The following FGFR2 variants were observed in gnomAD, a reference collection of about 807,000 sequenced individuals.
The protein encoded by FGFR2 is BEK fibroblast growth factor receptor.
A neutral mutation model predicts 95.9 loss-of-function variants in FGFR2; 19 were observed. The observed-to-expected ratio is 0.20, with a 90% CI of 0.14 to 0.29. The LOEUF is 0.29. Ranked by LOEUF, FGFR2 falls within the 10% of genes least tolerant of loss-of-function variation. The pLI is 1.00. For synonymous variants in FGFR2, 392 were observed against 393.3 expected, an observed-to-expected ratio of 1.00 and a Z score of 0.04; for missense variants, 707 against 1,056.9, an observed-to-expected ratio of 0.67 and a Z score of 4.59.
At chr10:121,482,767 G>A (rs1021034703) in intron 17 of FGFR2, among the ~76,000 whole-genome samples, 4 of 152,148 alleles carry the variant, frequency 2.6e-5, no homozygotes, top group African/African-American at 2.4e-5. Flanking sequence ...AGTGACAGAC[G>A]AGTGTTTATT....
At position 121,547,620 on chromosome 10, in the gene FGFR2, C is replaced by T. The variant is rs1465375277; in HGVS notation, c.624+3670G>A. Among the ~76,000 whole-genome samples the T allele has an allele frequency of 5.9e-5, 9 of 152,230 alleles. No homozygotes were observed. The East Asian group carries it at 1.4e-3, about 23-fold the overall frequency. On this transcript the variant is annotated intron_variant, in intron 5 of 17. Coordinates refer to ENST00000358487, the MANE Select transcript of FGFR2 (RefSeq NM_000141.5). ...CTATGTTGCCTAAGTTGGTCTTGTG[C>T]TCCTGGCCTCATATGATCCTCCTGC...
intron 9 of FGFR2, among the ~76,000 whole-genome samples, chr10:121,507,681 C>T (rs1434691301): frequency 5.9e-5 from 9 of 152,180 alleles, no homozygotes; most frequent in Non-Finnish European, 1.2e-4. Flanking sequence ...GTGCTTAGTG[C>T]TAGGCCTGGC....
chr10:121,545,315 G>T (rs1241713913), intron 5 of FGFR2, among the ~76,000 whole-genome samples: 1 of 152,194 alleles, frequency 6.6e-6, no homozygotes, highest in East Asian at 1.9e-4. Flanking sequence ...ACAAAACACG[G>T]AACTACATTT....
chr10:121,597,645 G>A lies in FGFR2; in HGVS notation c.-151+317C>T, dbSNP rs531390653. ...GGCGAACCTTCCGCCCGTCTGCTCTGGGGTCGGAGAAACGCGCCCAGTCAG... is the reference window on the plus strand; with the variant it reads ...GGCGAACCTTCCGCCCGTCTGCTCTAGGGTCGGAGAAACGCGCCCAGTCAG... On this transcript the variant is annotated intron_variant, in intron 1 of 17. Transcript: ENST00000358487. 1.0e-3 allele frequency among the ~76,000 whole-genome samples: 158 copies of A among 152,384 alleles called. 1 individual carries two copies. Among genetic ancestry groups the A allele is most frequent in the Non-Finnish European group, 1.7e-3 (115 of 68,042 alleles).
chr10:121,486,806 T>C (rs997949884), intron 15 of FGFR2, among the ~76,000 whole-genome samples: 4 of 152,216 alleles, frequency 2.6e-5, no homozygotes, highest in African/African-American at 9.7e-5. Context: ...TTTGTCAGTA[T>C]ATCATAATAG....
intron 9 of FGFR2, among the ~76,000 whole-genome samples, 189 bp from the exon 10 acceptor site, chr10:121,504,130 T>G (rs1370474747): frequency 6.6e-6 from 1 of 152,204 alleles, no homozygotes; most frequent in East Asian, 1.9e-4. Context: ...AGTACCAGAT[T>G]TCATCCAAAT....
intron 12 of FGFR2, among the ~76,000 whole-genome samples, chr10:121,498,037 C>T (rs549743395): frequency 1.3e-3 from 205 of 152,350 alleles, no homozygotes; most frequent in African/African-American, 4.7e-3. Flanking sequence ...CGTATTCCTT[C>T]ATACCGCTTT....
chr10:121,569,224 C>CTTTTCTTTTCT (rs1471264618), intron 2 of FGFR2, among the ~76,000 whole-genome samples: 5 of 83,818 alleles, frequency 6.0e-5, no homozygotes, highest in African/African-American at 2.5e-4. Context: ...CTTTTCTTTT[C>CTTTTCTTTTCT]TTTTTTTTTT....
Position 121,570,555 on chromosome 10 carries a change from T to C in FGFR2, c.110-4851A>G, listed in dbSNP as rs140457109. Among the ~76,000 whole-genome samples the C allele has an allele frequency of 9.8e-5, 15 of 152,340 alleles. No individual in the cohort carries two copies. The East Asian group carries it at 2.7e-3, about 27-fold the overall frequency. On this transcript the variant is annotated intron_variant, in intron 2 of 17. Coordinates refer to ENST00000358487, the MANE Select transcript of FGFR2 (RefSeq NM_000141.5). The stretch of plus-strand genomic sequence containing the variant: ...CACTTCCTGGATTTACTTTTTCCCA[T>C]TGCTGTGGCATACTTTTCACCTTTC...
intron 2 of FGFR2, among the ~76,000 whole-genome samples, chr10:121,590,064 G>A (rs1234279418): frequency 2.2e-5 from 3 of 138,400 alleles, no homozygotes; most frequent in Non-Finnish European, 4.8e-5. Flanking sequence ...TGTCCTCGAC[G>A]TTTCTGCTAC....
intron 6 of FGFR2, among the ~76,000 whole-genome samples, chr10:121,535,326 G>A (rs1200394636): frequency 6.6e-6 from 1 of 152,246 alleles, no homozygotes. Context: ...AATGAGGTAA[G>A]TATCATCATT....
At chr10:121,566,048 T>C (rs868375796) in intron 2 of FGFR2, 3 of 404,762 alleles carry the variant, frequency 7.4e-6, no homozygotes, top group South Asian at 2.4e-5. Context: ...AAATCTGTTA[T>C]TGTGGTATGT....
At chr10:121,514,471 G>A (rs1849426515) in intron 9 of FGFR2, among the ~76,000 whole-genome samples, 1 of 152,130 alleles carries the variant, frequency 6.6e-6, no homozygotes, top group Non-Finnish European at 1.5e-5. Context: ...ACAATCTGTT[G>A]CTGGTTCCAT....
At chr10:121,588,068 A>AAGAGCAAGATCATGTCTTTTGC (rs1242485694) in intron 2 of FGFR2, among the ~76,000 whole-genome samples, 1 of 152,244 alleles carries the variant, frequency 6.6e-6, no homozygotes, top group Non-Finnish European at 1.5e-5. Context: ...AGCCATAAAA[A>AAGAGCAAGATCATGTCTTTTGC]AGAGCAAGAT....
intron 6 of FGFR2, among the ~76,000 whole-genome samples, chr10:121,520,377 C>T (rs754423203): frequency 1.3e-5 from 2 of 152,158 alleles, no homozygotes; most frequent in Non-Finnish European, 2.9e-5. Context: ...GTAAAAAGAA[C>T]ACTTACTTAG....
intron 6 of FGFR2, chr10:121,538,194 C>T: frequency 1.6e-6 from 1 of 613,954 alleles, no homozygotes. Flanking sequence ...CTTTACTCTT[C>T]AGCTGGCCTT....
At chr10:121,582,344 T>C (rs112874342) in intron 2 of FGFR2, among the ~76,000 whole-genome samples, 8 of 152,142 alleles carry the variant, frequency 5.3e-5, no homozygotes, top group African/African-American at 1.9e-4. Flanking sequence ...CAAAAATTAT[T>C]TGGGGAGCAA....
At chr10:121,494,748 G>A (rs1846554411) in intron 13 of FGFR2, among the ~76,000 whole-genome samples, 2 of 152,096 alleles carry the variant, frequency 1.3e-5, no homozygotes, top group African/African-American at 4.8e-5. Flanking sequence ...TATATTTTAT[G>A]GCTGGACCAC....
At chr10:121,595,655 T>C (rs1260537952) in intron 1 of FGFR2, among the ~76,000 whole-genome samples, 1 of 152,244 alleles carries the variant, frequency 6.6e-6, no homozygotes, top group Non-Finnish European at 1.5e-5. Context: ...CTCATTGATT[T>C]ACTAAGCATT....
Sources: allele counts gnomAD v4.1 joint callset (sites outside exome capture counted in the v4.1 genomes callset), GRCh38; gene constraint gnomAD v4.1.1; transcripts MANE v1.5; gene names NCBI Gene and HGNC (gene_info 2026-07-23, HGNC 2026-07-21).